DCBLD1: variants seen among roughly 807,000 people sequenced by gnomAD.
The protein encoded by DCBLD1 is discoidin, CUB and LCCL domain-containing protein 1.
DCBLD1 carries 57 observed loss-of-function variants against 71.5 expected under a neutral mutation model. The observed-to-expected ratio is 0.80, with a 90% CI of 0.64 to 0.99. The LOEUF (loss-of-function observed/expected upper bound fraction) is 0.99, where lower values mean the gene tolerates loss of function less well. Among genes scored for constraint, DCBLD1 ranks in the 50% least tolerant of loss-of-function variants. The pLI is 0.00. For synonymous variants in DCBLD1, 380 were observed against 363.8 expected (o/e 1.04, Z -0.51); for missense variants, 891 against 923.5 (o/e 0.96, Z 0.46).
intron 13 of DCBLD1, 54 bp from the exon 14 acceptor site, chr6:117,545,424 G>A: frequency 6.3e-7 from 1 of 1,595,580 alleles, no homozygotes; most frequent in Non-Finnish European, 8.5e-7. Flanking sequence ...TGTTCTGGAG[G>A]ACGCGCATTA....
intron 14 of DCBLD1, chr6:117,563,113 T>A: frequency 1.4e-6 from 1 of 700,376 alleles, no homozygotes; most frequent in East Asian, 2.5e-5. Context: ...TGAGAATTGT[T>A]CACATGAAGC....
chr6:117,536,708 C>T (rs117301641), intron 6 of DCBLD1, among the ~76,000 whole-genome samples: 43 of 152,298 alleles, frequency 2.8e-4, no homozygotes, highest in Non-Finnish European at 5.6e-4. Context: ...CAGTGAGAGT[C>T]ACGAGATCTG....
At chr6:117,558,337 A>G (rs1779522300) in intron 14 of DCBLD1, among the ~76,000 whole-genome samples, 1 of 152,176 alleles carries the variant, frequency 6.6e-6, no homozygotes, top group Non-Finnish European at 1.5e-5. Flanking sequence ...GTAACCGGCC[A>G]ACTCTGCTAT....
intron 14 of DCBLD1, chr6:117,563,367 C>A (rs775795344): frequency 1.2e-6 from 2 of 1,613,370 alleles, no homozygotes; most frequent in Non-Finnish European, 1.7e-6. Context: ...GTGTCAGTTA[C>A]TGCCTTCTTA....
intron 2 of DCBLD1, among the ~76,000 whole-genome samples, chr6:117,512,697 A>G (rs1778063220): frequency 6.6e-6 from 1 of 152,064 alleles, no homozygotes; most frequent in Admixed American, 6.5e-5. Context: ...CACTTAGGTC[A>G]ATCAGGCATG....
chr6:117,555,094 A>G (rs573969513), intron 14 of DCBLD1, among the ~76,000 whole-genome samples: 44 of 152,186 alleles, frequency 2.9e-4, no homozygotes, highest in African/African-American at 9.4e-4. Context: ...TTGTGGGGAG[A>G]GCACTTTGAC....
chr6:117,538,651 C>G lies in DCBLD1; in HGVS notation c.792C>G (p.Asp264Glu). Residue 264 changes from aspartate (D) to glutamate (E), a missense_variant, in exon 8 of 15, where the codon GAC becomes GAG. Asp to Glu is a conservative substitution (Grantham distance 45). Transcript: ENST00000338728. ...GCSRSLSFEP[D>E]GQIRASSSWQ... ...GCAGATCCTTGAGTTTTGAACCTGA[C>G]GGGCAAATCAGAGCTTCTTCCTCAT... is the stretch of plus-strand genomic sequence containing the variant. The G allele has an allele frequency of 6.2e-7, 1 of 1,613,924 alleles. No homozygotes were observed. The highest frequency in any genetic ancestry group is 8.5e-7 in the Non-Finnish European group (1 of 1,180,012).
At chr6:117,551,634 C>T (rs1220276906), downstream of DCBLD1, among the ~76,000 whole-genome samples, 1 of 152,198 alleles carries the variant, frequency 6.6e-6, no homozygotes, top group African/African-American at 2.4e-5. Context: ...CATCCTCGGC[C>T]TCCCAAAGTG....
chr6:117,563,473 G>C, intron 14 of DCBLD1: 3 of 1,321,340 alleles, frequency 2.3e-6, no homozygotes, highest in Non-Finnish European at 2.1e-6. Context: ...TGTAATCCCA[G>C]CACTTTGAGA....
At chr6:117,483,114 C>A (rs1361346451) in intron 1 of DCBLD1, among the ~76,000 whole-genome samples, 1 of 152,136 alleles carries the variant, frequency 6.6e-6, no homozygotes, top group African/African-American at 2.4e-5. Flanking sequence ...CGCTCCCCCA[C>A]CAAACTCCTT....
intron 3 of DCBLD1, among the ~76,000 whole-genome samples, chr6:117,520,624 A>C (rs1298483491): frequency 6.6e-6 from 1 of 152,146 alleles, no homozygotes; most frequent in African/African-American, 2.4e-5. Flanking sequence ...TAAAGCTGAA[A>C]ACTTGTATGG....
At chr6:117,483,397 G>T (rs534287741) in intron 1 of DCBLD1, among the ~76,000 whole-genome samples, 38 of 152,328 alleles carry the variant, frequency 2.5e-4, no homozygotes, top group African/African-American at 8.7e-4. Flanking sequence ...TGCGTTCGGG[G>T]CTCGTGCGGA....
chr6:117,490,850 G>A (rs571353550), intron 1 of DCBLD1, among the ~76,000 whole-genome samples: 4 of 152,276 alleles, frequency 2.6e-5, no homozygotes, highest in East Asian at 1.9e-4. Context: ...CTAATAATAT[G>A]TATAGCTCCA....
chr6:117,496,169 G>A lies in DCBLD1; in HGVS notation c.113-7598G>A, dbSNP rs137857130. On this transcript the variant is annotated intron_variant, in intron 1 of 14. Transcript: ENST00000338728. The stretch of plus-strand genomic sequence containing the variant: ...TTAGCATCTATTTTATATGTGGTGA[G>A]AATAAAGTTGAAAGAGATTGTCAGT... Among the ~76,000 whole-genome samples the A allele has an allele frequency of 5.3e-3, 808 of 152,192 alleles. 9 individuals are homozygous for A. The highest frequency in any genetic ancestry group is 0.018 in the African/African-American group (745 of 41,474).
intron 1 of DCBLD1, 106 bp downstream of exon 1, chr6:117,482,999 CT>C: frequency 2.0e-6 from 2 of 997,092 alleles, no homozygotes; most frequent in Non-Finnish European, 2.4e-6. Flanking sequence ...CGGGCCGGGC[CT>C]GGGGGGACGG....
chr6:117,528,966 G>A (rs1213496493), intron 5 of DCBLD1, among the ~76,000 whole-genome samples: 1 of 152,124 alleles, frequency 6.6e-6, no homozygotes, highest in East Asian at 1.9e-4. Flanking sequence ...TCAGCCTCAT[G>A]AGTAGCTGGG....
intron 13 of DCBLD1, 78 bp from the exon 14 acceptor site, chr6:117,545,400 C>A: frequency 1.9e-6 from 3 of 1,564,110 alleles, no homozygotes; most frequent in Non-Finnish European, 2.6e-6. Context: ...TGACCTCTGA[C>A]TCATCAAGGA....
chr6:117,521,670 C>CT lies in DCBLD1; in HGVS notation c.512+99dup. 3 of 1,089,526 alleles carry CT rather than the reference C, an allele frequency of 2.8e-6. No homozygotes were observed. In the Admixed American group the frequency reaches 8.2e-5, roughly 30 times the overall value. 67.5% of individuals were successfully genotyped at this position (1,089,526 alleles called of 1,614,324 possible). A position where few individuals can be genotyped will look rare whatever the true frequency, so the allele number is the denominator to read the frequency against. On this transcript the variant is annotated intron_variant, in intron 4 of 14. Transcript: ENST00000338728. ...ACCAGATACGTTTGTACTTAAAGCTCTTTTTACCATTCATGTTGTAACTAA... is the reference window on the plus strand; with the variant it reads ...ACCAGATACGTTTGTACTTAAAGCTCTTTTTTACCATTCATGTTGTAACTAA...
intron 1 of DCBLD1, among the ~76,000 whole-genome samples, chr6:117,497,425 G>A (rs1287539772): frequency 6.6e-6 from 1 of 152,176 alleles, no homozygotes; most frequent in Non-Finnish European, 1.5e-5. Flanking sequence ...CTTTTGTAGT[G>A]GATGGAATTA....
Sources: allele counts gnomAD v4.1 joint callset (sites outside exome capture counted in the v4.1 genomes callset), GRCh38; gene constraint gnomAD v4.1.1; transcripts MANE v1.5; gene names NCBI Gene and HGNC (gene_info 2026-07-23, HGNC 2026-07-21).